The following SLC26A5 variants were observed in gnomAD, a reference collection of about 807,000 sequenced individuals.
SLC26A5 encodes the protein prestin.
Under a neutral mutation model 81.0 loss-of-function variants are expected in SLC26A5, and 51 were observed. That is an observed-to-expected ratio of 0.63 (90% confidence interval 0.50 to 0.80). The LOEUF is 0.80. SLC26A5 is among the 30% of genes least tolerant of loss of function. The probability of loss-of-function intolerance (pLI) is 0.00; values close to 1 mark genes in which losing one functional copy is unlikely to be tolerated. For synonymous variants in SLC26A5, 325 were observed against 332.8 expected (o/e 0.98, Z 0.25); for missense variants, 771 against 905.8 (o/e 0.85, Z 1.91).
intron 8 of SLC26A5, among the ~76,000 whole-genome samples, chr7:103,406,626 G>A (rs908231462): frequency 2.6e-5 from 4 of 151,878 alleles, no homozygotes; most frequent in East Asian, 1.9e-4. Context: ...GTTCCTATTC[G>A]GCCATCTTGC....
chr7:103,409,515 AC>A (rs374168705), intron 7 of SLC26A5, among the ~76,000 whole-genome samples: 50 of 152,268 alleles, frequency 3.3e-4, no homozygotes, highest in African/African-American at 1.1e-3. Flanking sequence ...GTGTGAAAAA[AC>A]ATTGAATTTT....
intron 2 of SLC26A5, among the ~76,000 whole-genome samples, chr7:103,425,430 C>T (rs1383783706): frequency 2.0e-5 from 3 of 152,048 alleles, no homozygotes; most frequent in Non-Finnish European, 2.9e-5. Flanking sequence ...ATGATTTTAA[C>T]GAGCAGTTCA....
intron 8 of SLC26A5, among the ~76,000 whole-genome samples, chr7:103,399,666 G>A (rs1301065701): frequency 6.6e-6 from 1 of 152,094 alleles, no homozygotes; most frequent in Non-Finnish European, 1.5e-5. Flanking sequence ...GTGGTTTGCT[G>A]CACCCATCAA....
intron 2 of SLC26A5, among the ~76,000 whole-genome samples, chr7:103,423,250 C>T (rs1235470528): frequency 1.3e-5 from 2 of 151,924 alleles, no homozygotes; most frequent in African/African-American, 2.4e-5. Flanking sequence ...CCAGCCTGGG[C>T]GACAAGAGTG....
chr7:103,362,173 T>G (rs1057056914), intron 19 of SLC26A5: 2 of 1,573,876 alleles, frequency 1.3e-6, no homozygotes, highest in Non-Finnish European at 1.7e-6. Flanking sequence ...AGTGAATAAA[T>G]GGACTGAGTT....
intron 2 of SLC26A5, among the ~76,000 whole-genome samples, chr7:103,440,174 A>G (rs557323209): frequency 1.3e-5 from 2 of 152,200 alleles, no homozygotes; most frequent in Non-Finnish European, 2.9e-5. Context: ...CTCATTAGAT[A>G]TTTGTTGGAT....
At chr7:103,428,120 TG>T (rs1489165177) in intron 2 of SLC26A5, among the ~76,000 whole-genome samples, 1 of 152,196 alleles carries the variant, frequency 6.6e-6, no homozygotes, top group Non-Finnish European at 1.5e-5. Flanking sequence ...CCCAAAGTGC[TG>T]GGATTACAGG....
rs182204949 is a variant in SLC26A5 at position 103,381,197 on chromosome 7, T to G, written c.1515-648A>C. On this transcript the variant is annotated intron_variant, in intron 14 of 19. Transcript: ENST00000306312. ...ACATATGCAATACACACATACCATATACACCTCATACCACACATATACACA... is the reference window on the plus strand; with the variant it reads ...ACATATGCAATACACACATACCATAGACACCTCATACCACACATATACACA... Among the ~76,000 whole-genome samples the G allele has an allele frequency of 1.4e-3, 216 of 150,368 alleles. 1 individual carries two copies. The highest frequency in any genetic ancestry group is 7.1e-3 in the Middle Eastern group (2 of 282).
intron 19 of SLC26A5, chr7:103,368,064 G>C (rs928821237): frequency 1.9e-6 from 3 of 1,587,026 alleles, no homozygotes; most frequent in African/African-American, 1.4e-5. Context: ...AACCCTGAAG[G>C]CTTTCAAGTG....
downstream of SLC26A5, among the ~76,000 whole-genome samples, chr7:103,372,404 A>G (rs1484560632): frequency 6.6e-6 from 1 of 152,238 alleles, no homozygotes; most frequent in Admixed American, 6.5e-5. Context: ...TGTCAATAAG[A>G]CAGCATATTA....
intron 2 of SLC26A5, among the ~76,000 whole-genome samples, chr7:103,428,638 C>T (rs1825862956): frequency 6.7e-6 from 1 of 150,110 alleles, no homozygotes; most frequent in Admixed American, 6.7e-5. Context: ...TCTTGGCTCA[C>T]TGCAACCTCC....
chr7:103,403,360 A>T (rs1260512756), intron 8 of SLC26A5, among the ~76,000 whole-genome samples: 1 of 152,132 alleles, frequency 6.6e-6, no homozygotes, highest in Non-Finnish European at 1.5e-5. Context: ...ATTTGGGGTG[A>T]AGAGTTCTGT....
Position 103,420,872 on chromosome 7 carries a change from G to C in SLC26A5, c.158C>G (p.Thr53Ser). ...AATGATATTTCTTATTTTTTTAGGA[G>C]TACATCTGAAAGGACAAAGACAGAC... is the stretch of plus-strand genomic sequence containing the variant. ...ADKLKQAFTCTPKKIRNIIYM... is the reference protein window; with the variant it reads ...ADKLKQAFTCSPKKIRNIIYM... Residue 53 changes from threonine (T) to serine (S), a missense_variant, in exon 4 of 20, where the codon ACT becomes AGT. Physicochemically the swap from Thr to Ser is moderately conservative, Grantham distance 58. Coordinates refer to ENST00000306312, the MANE Select transcript of SLC26A5 (RefSeq NM_198999.3). The C allele has an allele frequency of 6.2e-7, 1 of 1,609,162 alleles. No homozygotes were observed. Among genetic ancestry groups the C allele is most frequent in the Non-Finnish European group, 8.5e-7 (1 of 1,175,820 alleles).
chr7:103,402,039 T>C (rs1206152764), intron 8 of SLC26A5, among the ~76,000 whole-genome samples: 2 of 152,220 alleles, frequency 1.3e-5, no homozygotes, highest in Non-Finnish European at 2.9e-5. Context: ...GTTGTGTCTC[T>C]GCCAGGTTTT....
At position 103,359,138 on chromosome 7, in the gene SLC26A5, C is replaced by CTTTTTTTTTTTTTTTTT. The variant is rs35936603; in HGVS notation, c.2042-6229_2042-6213dup. Among the ~76,000 whole-genome samples, 5 of 31,332 alleles carry CTTTTTTTTTTTTTTTTT rather than the reference C, an allele frequency of 1.6e-4. 1 individual carries two copies. The highest frequency in any genetic ancestry group is 1.7e-4 in the Non-Finnish European group (3 of 17,500). 20.6% of individuals were successfully genotyped at this position (31,332 alleles called of 152,430 possible). A position where few individuals can be genotyped will look rare whatever the true frequency, so the allele number is the denominator to read the frequency against. ...CAGGTGCATACCACCCCATGTCTGG[C>CTTTTTTTTTTTTTTTTT]TTTTTTTTTTTTTTTTTTTTTTTTT... On this transcript the variant is annotated intron_variant, in intron 19 of 19. Coordinates refer to the SLC26A5 transcript ENST00000339444.
chr7:103,412,901 A>C (rs969252814), intron 5 of SLC26A5, 101 bp downstream of exon 5: 1 of 907,054 alleles, frequency 1.1e-6, no homozygotes, highest in Non-Finnish European at 1.8e-6. Context: ...AAAAGTTGTT[A>C]TTAAGACAAT....
At chr7:103,408,372 G>A (rs1824224564) in intron 7 of SLC26A5, among the ~76,000 whole-genome samples, 1 of 151,994 alleles carries the variant, frequency 6.6e-6, no homozygotes, top group Non-Finnish European at 1.5e-5. Context: ...GATTACAGGT[G>A]CCTGCCGCCA....
At chr7:103,356,571 A>C (rs1393897038) in intron 19 of SLC26A5, among the ~76,000 whole-genome samples, 1 of 152,234 alleles carries the variant, frequency 6.6e-6, no homozygotes, top group East Asian at 1.9e-4. Context: ...GTTGATTACT[A>C]GTATGATAGC....
At position 103,374,605 on chromosome 7, in the gene SLC26A5, G is replaced by A. The variant is rs766007022; in HGVS notation, c.2042-13C>T. On this transcript the variant is annotated splice_polypyrimidine_tract_variant and intron_variant, in intron 19 of 19. Transcript: ENST00000306312. Reference sequence around the variant, plus strand: ...TTCACAACTTGTGCTATTAAAAGAAGAAAAGAAAATTAGTCCACACTCTGG... The same window carrying A: ...TTCACAACTTGTGCTATTAAAAGAAAAAAAGAAAATTAGTCCACACTCTGG... 5.0e-6 allele frequency: 8 copies of A among 1,609,680 alleles called. No homozygotes were observed. The highest frequency in any genetic ancestry group is 3.4e-4 in the Middle Eastern group (2 of 5,940).
Sources: gnomAD v4.1 joint callset for allele counts (sites outside exome capture counted in the v4.1 genomes callset) on GRCh38, gnomAD v4.1.1 for gene constraint, MANE v1.5 for transcripts, NCBI Gene and HGNC (gene_info 2026-07-23, HGNC 2026-07-21) for gene names.